ERICH3: variants seen among roughly 807,000 people sequenced by gnomAD.
ERICH3 encodes the protein glutamate rich 3.
ERICH3 carries 126 observed loss-of-function variants against 131.1 expected under a neutral mutation model. That is an observed-to-expected ratio of 0.96 (90% CI 0.83 to 1.11). The LOEUF is 1.11. Ranked by LOEUF, ERICH3 falls within the 50% of genes most tolerant of loss-of-function variation. The probability of loss-of-function intolerance (pLI) is 0.00; values close to 1 mark genes in which losing one functional copy is unlikely to be tolerated. For missense variants in ERICH3, 2,050 were observed against 1,810.7 expected (o/e 1.13, Z -2.40); for synonymous variants, 695 against 644.6 (o/e 1.08, Z -1.18).
At chr1:74,635,651 C>G (rs1646381999) in intron 6 of ERICH3, among the ~76,000 whole-genome samples, 1 of 152,006 alleles carries the variant, frequency 6.6e-6, no homozygotes, top group Admixed American at 6.6e-5. Flanking sequence ...TGTACTAATT[C>G]CTCCTCCCTA....
rs139493492 is a variant in ERICH3 at position 74,593,229 on chromosome 1, C to G, written c.1727-3149G>C. On this transcript the variant is annotated intron_variant, in intron 11 of 14. Coordinates refer to ENST00000326665, the MANE Select transcript of ERICH3 (RefSeq NM_001002912.5). ...TTTTCTCTTTCCACAGTCAGGAGCT[C>G]TCCAGGCCCTTCTTCCCTTTTCATG... Among the ~76,000 whole-genome samples, 10 of 152,274 alleles carry G rather than the reference C, an allele frequency of 6.6e-5. No homozygotes were observed. The East Asian group carries it at 1.9e-3, about 29-fold the overall frequency.
At chr1:74,630,755 G>A (rs11210489) in intron 7 of ERICH3, among the ~76,000 whole-genome samples, 64,612 of 151,810 alleles carry the variant, frequency 0.43, 14,780 homozygotes, top group Non-Finnish European at 0.52. Context: ...CCAAATTAGA[G>A]AGAATGACAG....
At position 74,572,858 on chromosome 1, in the gene ERICH3, A is replaced by C. The variant is rs1213850677; in HGVS notation, c.2852T>G (p.Ile951Arg). ...DVGESEEEASIDLEDTGPMED... is the reference protein window; with the variant it reads ...DVGESEEEASRDLEDTGPMED... ...CATGGGTCCTGTGTCCTCTAGGTCT[A>C]TGGATGCTTCCTCTTCACTTTCTCC... Residue 951 changes from isoleucine (I) to arginine (R), a missense_variant, in exon 14 of 15, where the codon ATA becomes AGA. Physicochemically the swap from Ile to Arg is moderately conservative, Grantham distance 97 (BLOSUM62 -3). Transcript: ENST00000326665. The C allele has an allele frequency of 6.2e-7, 1 of 1,613,582 alleles. No homozygotes were observed.
At chr1:74,670,522 A>C (rs181424793) in intron 1 of ERICH3, among the ~76,000 whole-genome samples, 4 of 152,324 alleles carry the variant, frequency 2.6e-5, no homozygotes, top group African/African-American at 9.6e-5. Flanking sequence ...CGATTTCATG[A>C]ACATTTATCA....
In ERICH3 at chr1:74,570,182, T is replaced by C. The variant is rs1341320082; in HGVS notation, c.*276A>G. 6.6e-6 allele frequency: 1 copy of C among 152,228 alleles called. No homozygotes were observed. Among genetic ancestry groups the C allele is most frequent in the Non-Finnish European group, 1.5e-5 (1 of 68,042 alleles). 9.4% of individuals were successfully genotyped at this position (152,228 alleles called of 1,614,324 possible). A position where few individuals can be genotyped will look rare whatever the true frequency, so the allele number is the denominator to read the frequency against. The stretch of plus-strand genomic sequence containing the variant: ...TATCATTTTTGTTTGAAAATAATGT[T>C]AGGTGTGTAGAATGTGTAACAGCCT... On this transcript the variant is annotated 3_prime_UTR_variant, in exon 15 of 15. Coordinates refer to ENST00000326665, the MANE Select transcript of ERICH3 (RefSeq NM_001002912.5).
intron 8 of ERICH3, among the ~76,000 whole-genome samples, chr1:74,618,099 G>A (rs1199606526): frequency 6.6e-6 from 1 of 152,082 alleles, no homozygotes; most frequent in South Asian, 2.1e-4. Context: ...GGAGTTCAAG[G>A]CTATAGTGAC....
At chr1:74,642,794 C>T (rs1646447650) in intron 4 of ERICH3, among the ~76,000 whole-genome samples, 1 of 152,090 alleles carries the variant, frequency 6.6e-6, no homozygotes, top group African/African-American at 2.4e-5. Context: ...TCAAGTTTGT[C>T]TTTGAAAGGT....
At position 74,596,585 on chromosome 1, in the gene ERICH3, C is replaced by T. The variant is rs572723921; in HGVS notation, c.1726+3110G>A. Among the ~76,000 whole-genome samples the T allele has an allele frequency of 9.9e-5, 15 of 152,160 alleles. No homozygotes were observed. The South Asian group carries it at 3.1e-3, about 32-fold the overall frequency. On this transcript the variant is annotated intron_variant, in intron 11 of 14. Coordinates refer to ENST00000326665, the MANE Select transcript of ERICH3 (RefSeq NM_001002912.5). The stretch of plus-strand genomic sequence containing the variant: ...AAATACTAGAACTTATTCTTCCTGT[C>T]TAACTGTAACTTTGTACCCGTTGAC...
intron 11 of ERICH3, 62 bp downstream of exon 11, chr1:74,599,633 A>C: frequency 7.5e-7 from 1 of 1,333,208 alleles, no homozygotes; most frequent in Non-Finnish European, 1.0e-6. Flanking sequence ...ATAGAAAACA[A>C]AGAAAAGTAG....
chr1:74,641,548 A>T, intron 4 of ERICH3, 89 bp from the exon 5 acceptor site: 2 of 1,382,998 alleles, frequency 1.4e-6, no homozygotes, highest in Non-Finnish European at 2.0e-6. Context: ...CTATATGACT[A>T]AAGAAATTCT....
At position 74,572,683 on chromosome 1, in the gene ERICH3, C is replaced by T. The variant is rs150180617; in HGVS notation, c.3027G>A (p.Ser1009=). The T allele has an allele frequency of 1.5e-4, 238 of 1,613,714 alleles. 3 individuals carry two copies. The East Asian group carries it at 5.1e-3, about 35-fold the overall frequency. The change falls in exon 14 of 15, where the codon TCG becomes TCA. Residue 1009 remains serine (S), a synonymous_variant. Transcript: ENST00000326665. ...GEAEASRMQV[S]EGSPEEGSLA... is the part of the protein sequence containing the mutation. ...GGCTTCCTTCCTCAGGGCTGCCCTC[C>T]GAAACCTGCATCCGGCTTGCCTCTG...
chr1:74,595,286 T>G (rs980678122), intron 11 of ERICH3, among the ~76,000 whole-genome samples: 1 of 152,124 alleles, frequency 6.6e-6, no homozygotes, highest in African/African-American at 2.4e-5. Context: ...CAATAAATGT[T>G]GTAGGATGAA....
At chr1:74,617,250 A>G (rs984268373) in intron 8 of ERICH3, among the ~76,000 whole-genome samples, 1 of 152,068 alleles carries the variant, frequency 6.6e-6, no homozygotes, top group South Asian at 2.1e-4. Context: ...CAGAATTCAC[A>G]GGAACTTTAA....
intron 10 of ERICH3, among the ~76,000 whole-genome samples, chr1:74,602,069 CT>C (rs1315086642): frequency 6.6e-6 from 1 of 151,864 alleles, no homozygotes; most frequent in African/African-American, 2.4e-5. Context: ...CAGCAACACA[CT>C]TTAGTGGAGG....
chr1:74,639,851 C>T (rs542493430), intron 5 of ERICH3, among the ~76,000 whole-genome samples: 1 of 152,190 alleles, frequency 6.6e-6, no homozygotes, highest in East Asian at 1.9e-4. Context: ...TTATCTTCAT[C>T]TCAGGGACAC....
At chr1:74,652,193 T>C (rs1646541506) in intron 1 of ERICH3, among the ~76,000 whole-genome samples, 1 of 152,174 alleles carries the variant, frequency 6.6e-6, no homozygotes, top group East Asian at 1.9e-4. Context: ...TACTAAATTG[T>C]TTGATATCAA....
chr1:74,573,429 G>A lies in ERICH3; in HGVS notation c.2281C>T (p.Gln761Ter), dbSNP rs1170742563. The A allele has an allele frequency of 1.3e-6, 2 of 1,565,840 alleles. No individual in the cohort carries two copies. The highest frequency in any genetic ancestry group is 2.0e-5 in the Admixed American group (1 of 49,128). The change falls in exon 14 of 15, where the codon CAA becomes TAA. Residue 761 changes from glutamine to a stop codon, truncating the protein, a stop_gained. Coordinates refer to ENST00000326665, the MANE Select transcript of ERICH3 (RefSeq NM_001002912.5). LOFTEE classifies it high-confidence loss of function. ...AAINSNKESQ[Q>*]LVQKTYTLEK... ...AGTGTATACGTTTTTTGCACCAATT[G>A]CTGGGATTCCTTGTTTGAGTTGATT... is the stretch of plus-strand genomic sequence containing the variant.
chr1:74,644,235 C>T (rs1646461765), intron 3 of ERICH3, among the ~76,000 whole-genome samples: 1 of 151,986 alleles, frequency 6.6e-6, no homozygotes, highest in Non-Finnish European at 1.5e-5. Context: ...TCTCTCTCTT[C>T]CTCTGATCTC....
At chr1:74,622,878 T>A (rs1336860251) in intron 7 of ERICH3, 1 of 152,222 alleles carries the variant, frequency 6.6e-6, no homozygotes, top group Non-Finnish European at 1.5e-5. Flanking sequence ...ATCTCTTTTC[T>A]CTTGGGTCTC....
Sources: allele counts gnomAD v4.1 joint callset (sites outside exome capture counted in the v4.1 genomes callset), GRCh38; gene constraint gnomAD v4.1.1; transcripts MANE v1.5; gene names NCBI Gene and HGNC (gene_info 2026-07-23, HGNC 2026-07-21).